THUMPD2: variants seen among roughly 807,000 people sequenced by gnomAD.
The protein encoded by THUMPD2 is U6 snRNA (guanine-N(2))-methyltransferase THUMPD2.
A neutral mutation model predicts 49.4 loss-of-function variants in THUMPD2; 56 were observed. The ratio of observed to expected loss-of-function variants is 1.13; its 90% CI spans 0.91 to 1.41. The LOEUF (loss-of-function observed/expected upper bound fraction) is 1.41, where lower values mean the gene tolerates loss of function less well. THUMPD2 is among the 40% of genes most tolerant of loss of function. THUMPD2 has a pLI of 0.00. For missense variants in THUMPD2, 709 were observed against 594.5 expected, an observed-to-expected ratio of 1.19 and a Z score of -2.00; for synonymous variants, 237 against 205.2, an observed-to-expected ratio of 1.15 and a Z score of -1.32.
chr2:39,736,885 C>T lies in THUMPD2; in HGVS notation c.1362G>A (p.Ala454=), dbSNP rs775950693. Residue 454 remains alanine (A), a synonymous_variant, in exon 10 of 10, where the codon GCG becomes GCA. Transcript: ENST00000505747. ...GGTTACTGGCTTCGAATGAAGTTGA[C>T]GCTGTCTTGAATGCACCAGTTTTTT... The part of the protein sequence containing the change: ...PEEKTGAFKT[A]STSFEASNHK... 35 of 1,614,054 alleles carry T rather than the reference C, an allele frequency of 2.2e-5. No homozygotes were observed. Among genetic ancestry groups the T allele is most frequent in the African/African-American group, 1.5e-4 (11 of 74,924 alleles).
chr2:39,758,079 A>G (rs996244954), intron 6 of THUMPD2, among the ~76,000 whole-genome samples: 1 of 152,228 alleles, frequency 6.6e-6, no homozygotes, highest in South Asian at 2.1e-4. Context: ...AGTTTTATCA[A>G]GCATTATCTT....
At chr2:39,770,169 C>A in intron 2 of THUMPD2, 50 bp from the exon 3 acceptor site, 1 of 1,279,520 alleles carries the variant, frequency 7.8e-7, no homozygotes, top group African/African-American at 1.5e-5. Flanking sequence ...TAAAGACCAT[C>A]TATTACAATC....
chr2:39,751,681 ATT>A (rs11284104), intron 8 of THUMPD2, among the ~76,000 whole-genome samples: 70 of 119,934 alleles, frequency 5.8e-4, no homozygotes, highest in African/African-American at 1.6e-3. Context: ...ATATTAAAAG[ATT>A]TTTTTTTTTT....
chr2:39,775,538 G>A (rs911245851), intron 1 of THUMPD2, among the ~76,000 whole-genome samples: 4 of 152,024 alleles, frequency 2.6e-5, no homozygotes, highest in African/African-American at 9.7e-5. Flanking sequence ...GAGAGGCCAA[G>A]GCGGGTGGAT....
In THUMPD2 at chr2:39,736,717, C is replaced by T. The variant is rs1200274699; in HGVS notation, c.*18G>A. Reference sequence around the variant, plus strand: ...CTAACTTACAAGGGCCTGAACCCGGCTGATGGCAGCAAGCCTGCTACAGTC... The same window carrying T: ...CTAACTTACAAGGGCCTGAACCCGGTTGATGGCAGCAAGCCTGCTACAGTC... On this transcript the variant is annotated 3_prime_UTR_variant, in exon 10 of 10. Transcript: ENST00000505747. The T allele has an allele frequency of 6.2e-7, 1 of 1,603,042 alleles. No homozygotes were observed.
At chr2:39,775,071 G>C (rs1480645122) in intron 1 of THUMPD2, among the ~76,000 whole-genome samples, 4 of 152,154 alleles carry the variant, frequency 2.6e-5, no homozygotes, top group Non-Finnish European at 5.9e-5. Flanking sequence ...CTTGAGCCCA[G>C]GAGTTTGAGA....
intron 1 of THUMPD2, among the ~76,000 whole-genome samples, chr2:39,775,576 C>T (rs1678962524): frequency 6.6e-6 from 1 of 151,910 alleles, no homozygotes; most frequent in Non-Finnish European, 1.5e-5. Context: ...TCAAGACCAG[C>T]CTGGCCAACA....
In THUMPD2 at chr2:39,744,369, C is replaced by T. The variant is rs749909393; in HGVS notation, c.1187+1G>A. Reference sequence around the variant, plus strand: ...TTATGAAAATAAATTCAACAACTTACCTTTCCATTTCTTGTAGAATGCTTT... The same window carrying T: ...TTATGAAAATAAATTCAACAACTTATCTTTCCATTTCTTGTAGAATGCTTT... On this transcript the variant is annotated splice_donor_variant, in intron 9 of 9. Coordinates refer to ENST00000505747, the MANE Select transcript of THUMPD2 (RefSeq NM_025264.5). LOFTEE classifies it high-confidence loss of function. 9.1e-6 allele frequency: 14 copies of T among 1,541,780 alleles called. No homozygotes were observed. The South Asian group carries it at 1.1e-4, about 12-fold the overall frequency.
At chr2:39,757,001 G>C (rs1676231446) in intron 6 of THUMPD2, among the ~76,000 whole-genome samples, 1 of 151,384 alleles carries the variant, frequency 6.6e-6, no homozygotes, top group African/African-American at 2.4e-5. Context: ...TTCTGGGTAT[G>C]ACAAGGTCTA....
intron 8 of THUMPD2, among the ~76,000 whole-genome samples, chr2:39,749,507 T>C (rs1675097875): frequency 6.6e-6 from 1 of 152,246 alleles, no homozygotes; most frequent in Admixed American, 6.5e-5. Context: ...AAGTCATACT[T>C]CACAGAGTGA....
chr2:39,768,217 G>A (rs1054197442), intron 4 of THUMPD2, among the ~76,000 whole-genome samples: 1 of 151,816 alleles, frequency 6.6e-6, no homozygotes, highest in Admixed American at 6.6e-5. Context: ...ATCTTTTTTT[G>A]GAGTTTGCAT....
chr2:39,769,281 A>G (rs1162801629), intron 3 of THUMPD2: 1 of 288,870 alleles, frequency 3.5e-6, no homozygotes, highest in South Asian at 4.3e-5. Context: ...CTGAGGAAAA[A>G]TTAAAAGGAA....
At chr2:39,744,948 T>G (rs1186766124) in intron 8 of THUMPD2, among the ~76,000 whole-genome samples, 4 of 152,170 alleles carry the variant, frequency 2.6e-5, no homozygotes, top group South Asian at 2.1e-4. Context: ...GAATATCTAT[T>G]AAGTCCTAAG....
chr2:39,741,184 A>G lies in THUMPD2; in HGVS notation c.1187+3186T>C, dbSNP rs557105448. On this transcript the variant is annotated intron_variant, in intron 9 of 9. Coordinates refer to ENST00000505747, the MANE Select transcript of THUMPD2 (RefSeq NM_025264.5). ...TTGGGGGAAGTCTGTATCAAACAGC[A>G]TAAGAGATTTCCCTTTCGTATGTGA... is the stretch of plus-strand genomic sequence containing the variant. 1.1e-4 allele frequency among the ~76,000 whole-genome samples: 17 copies of G among 152,226 alleles called. No individual in the cohort carries two copies. In the East Asian group the frequency reaches 1.5e-3, roughly 14 times the overall value.
intron 9 of THUMPD2, among the ~76,000 whole-genome samples, chr2:39,742,476 A>G (rs1674016748): frequency 6.6e-6 from 1 of 152,202 alleles, no homozygotes; most frequent in African/African-American, 2.4e-5. Flanking sequence ...TCAGGCTGGT[A>G]TAATTTACTA....
intron 6 of THUMPD2, among the ~76,000 whole-genome samples, chr2:39,759,993 T>C (rs10207589): frequency 0.52 from 79,202 of 152,004 alleles, 21,085 homozygotes; most frequent in East Asian, 0.83. Context: ...CAAAAAGCAA[T>C]AAACCTTGTA....
Position 39,766,259 on chromosome 2 carries a change from T to C in THUMPD2, c.751-150A>G, listed in dbSNP as rs1031401695. The stretch of plus-strand genomic sequence containing the variant: ...TCATCATATCTAGAAAAATGTTCTA[T>C]AATCTTTTTTTTTCTTAAGCAGAAG... On this transcript the variant is annotated intron_variant, in intron 4 of 9. Coordinates refer to ENST00000505747, the MANE Select transcript of THUMPD2 (RefSeq NM_025264.5). 3.6e-5 allele frequency: 18 copies of C among 495,586 alleles called. No individual in the cohort carries two copies. In the Admixed American group the frequency reaches 7.0e-4, roughly 19 times the overall value. The allele number at this position is 495,586 out of a possible 1,614,324, so 30.7% of individuals were successfully genotyped here.
At chr2:39,768,274 T>C in intron 4 of THUMPD2, 150 bp downstream of exon 4, 1 of 675,270 alleles carries the variant, frequency 1.5e-6, no homozygotes, top group Non-Finnish European at 2.5e-6. Context: ...TCTGTACTAT[T>C]CTACTGCTAA....
chr2:39,741,000 C>T (rs72936091), intron 9 of THUMPD2, among the ~76,000 whole-genome samples: 4,130 of 152,234 alleles, frequency 0.027, 181 homozygotes, highest in African/African-American at 0.093. Flanking sequence ...GTATGAGCTA[C>T]TGTGCCCAGA....
Sources: gnomAD v4.1 joint callset for allele counts (sites outside exome capture counted in the v4.1 genomes callset) on GRCh38, gnomAD v4.1.1 for gene constraint, MANE v1.5 for transcripts, NCBI Gene and HGNC (gene_info 2026-07-23, HGNC 2026-07-21) for gene names.